The following TANC1 variants were observed in gnomAD, a reference collection of about 807,000 sequenced individuals.
The protein encoded by TANC1 is protein TANC1.
TANC1 carries 77 observed loss-of-function variants against 149.7 expected under a neutral mutation model. The ratio of observed to expected loss-of-function variants is 0.51; its 90% confidence interval spans 0.43 to 0.62. The LOEUF is 0.62. TANC1 is among the 20% of genes least tolerant of loss of function. The pLI is 0.00. For missense variants in TANC1, 1,985 were observed against 2,321.8 expected (o/e 0.85, Z 2.98); for synonymous variants, 854 against 925.0 (o/e 0.92, Z 1.39).
intron 2 of TANC1, among the ~76,000 whole-genome samples, chr2:159,058,536 T>C (rs1273331279): frequency 6.6e-6 from 1 of 152,220 alleles, no homozygotes; most frequent in Non-Finnish European, 1.5e-5. Context: ...TCAACATTTT[T>C]CACCATAATT....
At chr2:159,174,094 G>C (rs1473039533) in intron 11 of TANC1, among the ~76,000 whole-genome samples, 2 of 152,212 alleles carry the variant, frequency 1.3e-5, no homozygotes, top group African/African-American at 4.8e-5. Context: ...CTTGGCACGA[G>C]TGTTTTGCTC....
At chr2:159,068,277 A>G (rs953436585) in intron 3 of TANC1, among the ~76,000 whole-genome samples, 1 of 152,236 alleles carries the variant, frequency 6.6e-6, no homozygotes, top group African/African-American at 2.4e-5. Context: ...AAAGCTGGCT[A>G]GTCTACCAAG....
intron 1 of TANC1, among the ~76,000 whole-genome samples, chr2:158,994,115 A>G (rs1264000746): frequency 6.6e-6 from 1 of 152,142 alleles, no homozygotes; most frequent in Non-Finnish European, 1.5e-5. Flanking sequence ...GATTATAACT[A>G]TCAACGGATC....
At chr2:159,035,561 C>T (rs1489424917) in intron 2 of TANC1, among the ~76,000 whole-genome samples, 1 of 152,202 alleles carries the variant, frequency 6.6e-6, no homozygotes, top group Non-Finnish European at 1.5e-5. Context: ...TAGGTGATCT[C>T]GCTGTAGTTA....
At chr2:159,101,509 A>G (rs945322946) in intron 4 of TANC1, among the ~76,000 whole-genome samples, 6 of 143,866 alleles carry the variant, frequency 4.2e-5, no homozygotes, top group Non-Finnish European at 9.0e-5. Flanking sequence ...ACCTTCCTCC[A>G]TTTATTTGGT....
chr2:159,218,365 T>C (rs553502700), intron 20 of TANC1, among the ~76,000 whole-genome samples: 2 of 152,248 alleles, frequency 1.3e-5, no homozygotes, highest in Non-Finnish European at 2.9e-5. Context: ...TTTCCATTCC[T>C]AAGAGCTTGG....
chr2:159,115,196 G>GTA (rs1461976248), intron 4 of TANC1, among the ~76,000 whole-genome samples: 1 of 145,732 alleles, frequency 6.9e-6, no homozygotes, highest in Non-Finnish European at 1.5e-5. Context: ...GTGTGTGTGT[G>GTA]TATGTGTGTC....
intron 10 of TANC1, among the ~76,000 whole-genome samples, chr2:159,171,039 C>G (rs900023714): frequency 9.9e-5 from 15 of 150,856 alleles, no homozygotes; most frequent in African/African-American, 3.7e-4. Context: ...CTGTAACCCC[C>G]TCTTCCTTTA....
At chr2:159,084,228 T>C (rs1337635336) in intron 3 of TANC1, among the ~76,000 whole-genome samples, 1 of 150,680 alleles carries the variant, frequency 6.6e-6, no homozygotes. Context: ...CCAGCCTGGG[T>C]GACAGAGCAA....
At position 159,179,164 on chromosome 2, in the gene TANC1, G is replaced by A; in HGVS notation, c.2510+1G>A. ...ACACGGCCTTCCTGTGTGAGCCCAGGTACGGCAGGCGCTTTCTTTCAGCTC... is the reference window on the plus strand; with the variant it reads ...ACACGGCCTTCCTGTGTGAGCCCAGATACGGCAGGCGCTTTCTTTCAGCTC... On this transcript the variant is annotated splice_donor_variant, in intron 14 of 26. Transcript: ENST00000263635. LOFTEE classifies it high-confidence loss of function. 6.2e-7 allele frequency: 1 copy of A among 1,605,322 alleles called. No homozygotes were observed. The highest frequency in any genetic ancestry group is 8.5e-7 in the Non-Finnish European group (1 of 1,174,848).
At chr2:159,120,934 C>T (rs1167000818) in intron 4 of TANC1, among the ~76,000 whole-genome samples, 2 of 152,002 alleles carry the variant, frequency 1.3e-5, no homozygotes, top group Non-Finnish European at 2.9e-5. Context: ...CAGTTGAGGC[C>T]CACCTAGATA....
chr2:159,151,508 A>G (rs2052810417), intron 7 of TANC1, among the ~76,000 whole-genome samples: 2 of 152,256 alleles, frequency 1.3e-5, no homozygotes, highest in Non-Finnish European at 2.9e-5. Context: ...GGGATAGTTT[A>G]TGCTTTATTG....
At chr2:159,180,076 C>T (rs1032409968) in intron 14 of TANC1, among the ~76,000 whole-genome samples, 3 of 152,150 alleles carry the variant, frequency 2.0e-5, no homozygotes, top group Non-Finnish European at 4.4e-5. Context: ...TTGGTGAGCC[C>T]TGGGAGCCTC....
intron 1 of TANC1, among the ~76,000 whole-genome samples, chr2:158,971,843 A>G (rs1024938624): frequency 6.6e-6 from 1 of 152,226 alleles, no homozygotes; most frequent in African/African-American, 2.4e-5. Context: ...TAGAAAGTTA[A>G]ATTAGACCTG....
At chr2:159,025,593 A>G (rs886403761) in intron 2 of TANC1, among the ~76,000 whole-genome samples, 1 of 152,214 alleles carries the variant, frequency 6.6e-6, no homozygotes, top group African/African-American at 2.4e-5. Flanking sequence ...TAGTCCATAC[A>G]TAGATTTTTC....
chr2:158,988,719 G>T (rs1481790546), intron 1 of TANC1, among the ~76,000 whole-genome samples: 2 of 152,172 alleles, frequency 1.3e-5, no homozygotes, highest in Non-Finnish European at 2.9e-5. Context: ...CTAAGTGCTA[G>T]TCTAATTCAG....
chr2:159,153,303 A>T (rs2053061129), intron 7 of TANC1, among the ~76,000 whole-genome samples: 1 of 152,220 alleles, frequency 6.6e-6, no homozygotes, highest in African/African-American at 2.4e-5. Context: ...ATTTCATGAC[A>T]TTGAAGCTGT....
At chr2:159,002,277 C>A (rs1310912898) in intron 2 of TANC1, among the ~76,000 whole-genome samples, 2 of 152,078 alleles carry the variant, frequency 1.3e-5, no homozygotes, top group Admixed American at 6.5e-5. Flanking sequence ...GCTGGCCTGC[C>A]CGAGGGGACC....
intron 4 of TANC1, among the ~76,000 whole-genome samples, chr2:159,127,990 C>T (rs1433746450): frequency 6.6e-6 from 1 of 152,244 alleles, no homozygotes; most frequent in Non-Finnish European, 1.5e-5. Flanking sequence ...TGCCCTTTCC[C>T]AGTGGATCTT....
Sources: gnomAD v4.1 joint callset for allele counts (sites outside exome capture counted in the v4.1 genomes callset) on GRCh38, gnomAD v4.1.1 for gene constraint, MANE v1.5 for transcripts, NCBI Gene and HGNC (gene_info 2026-07-23, HGNC 2026-07-21) for gene names.